The following GSE1 variants were observed in gnomAD, a reference collection of about 807,000 sequenced individuals.
GSE1 encodes Gse1 coiled-coil protein.
A neutral mutation model predicts 112.6 loss-of-function variants in GSE1; 32 were observed. The ratio of observed to expected loss-of-function variants is 0.28; its 90% CI spans 0.21 to 0.38. GSE1 has a LOEUF of 0.38. GSE1 is among the 10% of genes least tolerant of loss of function. The pLI is 1.00. For synonymous variants in GSE1, 1,115 were observed against 735.6 expected (o/e 1.52, Z -8.35); for missense variants, 2,348 against 1,699.2 (o/e 1.38, Z -6.71).
chr16:85,232,064 G>A (rs779878714), intron 1 of GSE1, among the ~76,000 whole-genome samples: 6 of 152,230 alleles, frequency 3.9e-5, no homozygotes, highest in Admixed American at 3.3e-4. Context: ...AGTGAGAGGC[G>A]GTGCTGGGGA....
chr16:85,476,578 G>A (rs1224985133), intron 2 of GSE1, among the ~76,000 whole-genome samples: 1 of 152,158 alleles, frequency 6.6e-6, no homozygotes, highest in African/African-American at 2.4e-5. Flanking sequence ...TGTACGTGCT[G>A]TTCCCACTGC....
rs1354278062 is a variant in GSE1, at chr16:85,419,339, G to C, written c.2464+61696G>C. On this transcript the variant is annotated intron_variant, in intron 2 of 2. Coordinates refer to the GSE1 transcript ENST00000637419. The surrounding 1 kb of genome is among the most constrained non-coding windows in gnomAD (Gnocchi z 6.5). ...TTGAGAATATACCAGATGGCCGGGC[G>C]TGGTGGCTCGTGCCTATAATCCCAG... Among the ~76,000 whole-genome samples the C allele has an allele frequency of 1.3e-5, 2 of 152,184 alleles. No individual in the cohort carries two copies.
intron 2 of GSE1, among the ~76,000 whole-genome samples, chr16:85,376,436 C>T (rs565749593): frequency 2.6e-5 from 4 of 152,296 alleles, no homozygotes; most frequent in South Asian, 4.1e-4. Context: ...TCGGTGGCTG[C>T]GCGGGCTGGT....
intron 2 of GSE1, among the ~76,000 whole-genome samples, chr16:85,546,305 C>T (rs764525859): frequency 1.3e-5 from 2 of 152,048 alleles, no homozygotes; most frequent in Admixed American, 6.6e-5. Context: ...AGGCTGGTCT[C>T]GAACTTGTGG....
At chr16:85,326,222 G>A (rs952166966) in intron 1 of GSE1, among the ~76,000 whole-genome samples, 4 of 152,000 alleles carry the variant, frequency 2.6e-5, no homozygotes, top group African/African-American at 4.8e-5. Flanking sequence ...GGGCGGTTAA[G>A]CCTAAGGGTT....
At chr16:85,627,797 C>T (rs1280582222) in intron 1 of GSE1, among the ~76,000 whole-genome samples, 1 of 152,188 alleles carries the variant, frequency 6.6e-6, no homozygotes, top group African/African-American at 2.4e-5. Flanking sequence ...TGTCCAGGAG[C>T]GCAGAAGTTA....
intron 1 of GSE1, among the ~76,000 whole-genome samples, chr16:85,618,385 G>A (rs537857678): frequency 1.5e-3 from 222 of 152,280 alleles, no homozygotes; most frequent in African/African-American, 5.1e-3. Flanking sequence ...TGACAGATGC[G>A]GGTGAGGGTT....
At chr16:85,315,749 T>C (rs925538243) in intron 1 of GSE1, among the ~76,000 whole-genome samples, 12 of 152,250 alleles carry the variant, frequency 7.9e-5, no homozygotes, top group African/African-American at 2.9e-4. Context: ...GGGATATACT[T>C]ATACTAAAAA....
chr16:85,535,739 C>T (rs1282324174), intron 2 of GSE1, among the ~76,000 whole-genome samples: 2 of 152,186 alleles, frequency 1.3e-5, no homozygotes, highest in African/African-American at 4.8e-5. Flanking sequence ...ACACAAAATC[C>T]CTGGCTAGGC....
intron 1 of GSE1, among the ~76,000 whole-genome samples, chr16:85,562,061 G>A (rs2045545402): frequency 6.6e-6 from 1 of 152,242 alleles, no homozygotes; most frequent in Non-Finnish European, 1.5e-5. Flanking sequence ...TGGCGCCGGA[G>A]CCACCCAAGA....
chr16:85,283,382 C>T (rs957842553), intron 1 of GSE1: 5 of 152,766 alleles, frequency 3.3e-5, no homozygotes, highest in African/African-American at 1.2e-4. Flanking sequence ...CCCTGAGCAT[C>T]TTGGCTCTGC....
chr16:85,417,167 G>T lies in GSE1; in HGVS notation c.2464+59524G>T, dbSNP rs117085769. ...CAGGTGTGAGCCACCATGCCCAGCA[G>T]CCCTGTGGATATTTGGGTGAGATAA... On this transcript the variant is annotated intron_variant, in intron 2 of 2. Coordinates refer to the GSE1 transcript ENST00000637419. Among the ~76,000 whole-genome samples, 780 of 152,292 alleles carry T rather than the reference G, an allele frequency of 5.1e-3. 4 individuals are homozygous for T. Among genetic ancestry groups the T allele is most frequent in the Non-Finnish European group, 8.0e-3 (546 of 68,028 alleles).
intron 6 of GSE1, among the ~76,000 whole-genome samples, 155 bp downstream of exon 6, chr16:85,656,072 C>G (rs1023062018): frequency 6.6e-6 from 1 of 152,180 alleles, no homozygotes; most frequent in Admixed American, 6.5e-5. Flanking sequence ...CGTTCAGGCT[C>G]TGCTCTGAAA....
At chr16:85,461,230 C>G (rs188590351) in intron 2 of GSE1, among the ~76,000 whole-genome samples, 26 of 152,334 alleles carry the variant, frequency 1.7e-4, no homozygotes, top group Admixed American at 1.4e-3. Context: ...GCTGTTCTGT[C>G]TGCTGGAGGG....
In GSE1 at chr16:85,665,079, C is replaced by G; in HGVS notation, c.2709C>G (p.Ala903=). ...MKQKALSAAV[A]DSLTNSPRDS... is the part of the protein sequence containing the mutation. Reference sequence around the variant, plus strand: ...AGAAGGCACTGTCAGCAGCAGTGGCCGACTCCTTGACAAACTCTCCGAGGG... The same window carrying G: ...AGAAGGCACTGTCAGCAGCAGTGGCGGACTCCTTGACAAACTCTCCGAGGG... Residue 903 remains alanine (A), a synonymous_variant, in exon 12 of 16, where the codon GCC becomes GCG. Coordinates refer to ENST00000253458, the MANE Select transcript of GSE1 (RefSeq NM_014615.5). The G allele has an allele frequency of 6.2e-7, 1 of 1,612,602 alleles. No homozygotes were observed. The highest frequency in any genetic ancestry group is 8.5e-7 in the Non-Finnish European group (1 of 1,178,886).
chr16:85,616,985 A>G (rs2048410817), intron 1 of GSE1, among the ~76,000 whole-genome samples: 1 of 152,148 alleles, frequency 6.6e-6, no homozygotes, highest in Admixed American at 6.5e-5. Flanking sequence ...TTGCTTCTGC[A>G]GCTCTGATTC....
At chr16:85,368,496 G>A (rs1338340599) in intron 2 of GSE1, among the ~76,000 whole-genome samples, 4 of 152,226 alleles carry the variant, frequency 2.6e-5, no homozygotes, top group African/African-American at 7.2e-5. Flanking sequence ...CTTGAGCCCA[G>A]GAGTTGTAGA....
At chr16:85,461,101 C>A (rs1244448168) in intron 2 of GSE1, among the ~76,000 whole-genome samples, 1 of 152,214 alleles carries the variant, frequency 6.6e-6, no homozygotes, top group Non-Finnish European at 1.5e-5. Flanking sequence ...AAGCCCTGAG[C>A]TGGGCGCAGT....
rs903110476 is a variant in GSE1 at position 85,597,883 on chromosome 16, A to G, written c.37+41520A>G. On this transcript the variant is annotated intron_variant, in intron 1 of 2. Transcript: ENST00000635906. ...AGCTGGGAATCTGATTTGAACTTTG[A>G]TCTTCTCTGCTGCTGTGTGACTTGG... 2.6e-5 allele frequency among the ~76,000 whole-genome samples: 4 copies of G among 152,256 alleles called. No individual in the cohort carries two copies. In the East Asian group the frequency reaches 7.7e-4, roughly 29 times the overall value.
Sources: gnomAD v4.1 joint callset for allele counts (sites outside exome capture counted in the v4.1 genomes callset) on GRCh38, gnomAD v4.1.1 for gene constraint, Gnocchi (gnomAD v3.1) non-coding constraint, MANE v1.5 for transcripts, NCBI Gene and HGNC (gene_info 2026-07-23, HGNC 2026-07-21) for gene names.